The following SPAG16 variants were observed in gnomAD, a reference collection of about 807,000 sequenced individuals.
The protein encoded by SPAG16 is sperm associated antigen 16, also known as sperm-associated antigen 16 protein.
Under a neutral mutation model 80.4 loss-of-function variants are expected in SPAG16, and 86 were observed. The observed-to-expected ratio is 1.07, with a 90% confidence interval of 0.90 to 1.28. The LOEUF (loss-of-function observed/expected upper bound fraction) is 1.28. Among genes scored for constraint, SPAG16 ranks in the 50% most tolerant of loss-of-function variants. SPAG16 has a pLI of 0.00. For missense variants in SPAG16, 870 were observed against 765.3 expected, an observed-to-expected ratio of 1.14 and a Z score of -1.61; for synonymous variants, 294 against 265.9, an observed-to-expected ratio of 1.11 and a Z score of -1.03.
At chr2:213,950,702 CTTTTTTT>C (rs59353089) in intron 12 of SPAG16, among the ~76,000 whole-genome samples, 12 of 99,726 alleles carry the variant, frequency 1.2e-4, no homozygotes, top group East Asian at 5.8e-4. Flanking sequence ...TTTTTTCTTT[CTTTTTTT>C]TTTTTTTTTT....
chr2:213,471,154 C>G (rs2073056443), intron 9 of SPAG16, among the ~76,000 whole-genome samples: 1 of 152,164 alleles, frequency 6.6e-6, no homozygotes. Context: ...GTATATTGTG[C>G]AGAACCATCT....
At chr2:213,964,730 A>T (rs1435540662) in intron 12 of SPAG16, among the ~76,000 whole-genome samples, 1 of 152,176 alleles carries the variant, frequency 6.6e-6, no homozygotes, top group African/African-American at 2.4e-5. Context: ...CCACACCTAG[A>T]TCAATCAGAG....
chr2:214,123,886 C>T (rs1398105752), intron 14 of SPAG16, among the ~76,000 whole-genome samples: 2 of 152,036 alleles, frequency 1.3e-5, no homozygotes, highest in African/African-American at 4.8e-5. Context: ...ATAGATTAAA[C>T]AGGTGGAATA....
chr2:214,090,530 T>C (rs1029730725), intron 13 of SPAG16, among the ~76,000 whole-genome samples: 11 of 151,814 alleles, frequency 7.2e-5, no homozygotes, highest in Middle Eastern at 3.4e-3. Context: ...AAGCAGAAGA[T>C]AGAACCAATA....
intron 5 of SPAG16, among the ~76,000 whole-genome samples, chr2:213,332,464 G>A (rs1316871295): frequency 6.6e-6 from 1 of 152,112 alleles, no homozygotes; most frequent in Non-Finnish European, 1.5e-5. Context: ...AGCATTTAAA[G>A]AACTAACACC....
intron 15 of SPAG16, among the ~76,000 whole-genome samples, chr2:214,306,426 G>C (rs966144034): frequency 1.3e-5 from 2 of 152,196 alleles, no homozygotes; most frequent in African/African-American, 4.8e-5. Context: ...AATAGGCATA[G>C]TGAGAGAGGG....
chr2:213,466,887 C>G (rs1210455207), intron 9 of SPAG16, among the ~76,000 whole-genome samples: 1 of 152,166 alleles, frequency 6.6e-6, no homozygotes, highest in Non-Finnish European at 1.5e-5. Flanking sequence ...GCTGGGTGGT[C>G]TGGTTGGAGG....
chr2:213,878,772 T>C (rs1365739554), intron 11 of SPAG16, among the ~76,000 whole-genome samples: 2 of 152,174 alleles, frequency 1.3e-5, no homozygotes, highest in Non-Finnish European at 2.9e-5. Flanking sequence ...ATCATTTTAA[T>C]AGTTTCGAGT....
intron 9 of SPAG16, among the ~76,000 whole-genome samples, chr2:213,489,225 T>G (rs1019329179): frequency 1.3e-5 from 2 of 152,274 alleles, no homozygotes; most frequent in Non-Finnish European, 2.9e-5. Context: ...GATTCATAAC[T>G]TCTTTTTTTG....
chr2:213,511,814 T>C (rs1362735688), intron 10 of SPAG16, among the ~76,000 whole-genome samples: 1 of 152,098 alleles, frequency 6.6e-6, no homozygotes, highest in Non-Finnish European at 1.5e-5. Context: ...TGTAAAGTCA[T>C]ATTATAGAGC....
intron 10 of SPAG16, among the ~76,000 whole-genome samples, chr2:213,638,442 T>C (rs2062455258): frequency 6.6e-6 from 1 of 152,182 alleles, no homozygotes; most frequent in East Asian, 1.9e-4. Flanking sequence ...TCATGTTTGA[T>C]AGGTTGTATC....
At chr2:214,228,558 C>T (rs1202400547) in intron 15 of SPAG16, among the ~76,000 whole-genome samples, 1 of 151,774 alleles carries the variant, frequency 6.6e-6, no homozygotes, top group Non-Finnish European at 1.5e-5. Flanking sequence ...TATAAAATAA[C>T]AGTAGACTAT....
chr2:214,258,490 TACACACACACATATATGTAC>T (rs1690884937), intron 15 of SPAG16, among the ~76,000 whole-genome samples: 1 of 147,390 alleles, frequency 6.8e-6, no homozygotes. Context: ...TATATATATA[TACACACACACATATATGTAC>T]ATATATATCA....
intron 13 of SPAG16, among the ~76,000 whole-genome samples, chr2:214,021,531 A>G (rs2047866934): frequency 6.6e-6 from 1 of 152,098 alleles, no homozygotes; most frequent in Non-Finnish European, 1.5e-5. Context: ...TGCCCCCATA[A>G]TTCAATCACC....
intron 15 of SPAG16, among the ~76,000 whole-genome samples, chr2:214,247,129 C>G (rs1306222661): frequency 6.6e-6 from 1 of 152,068 alleles, no homozygotes; most frequent in East Asian, 1.9e-4. Flanking sequence ...ATAGTCTACT[C>G]TTTGTGGCTT....
At chr2:213,355,696 ATTGT>A (rs1332949245) in intron 7 of SPAG16, among the ~76,000 whole-genome samples, 1 of 152,158 alleles carries the variant, frequency 6.6e-6, no homozygotes, top group Non-Finnish European at 1.5e-5. Flanking sequence ...AATGCTTGTG[ATTGT>A]TGCACATTGA....
intron 9 of SPAG16, among the ~76,000 whole-genome samples, chr2:213,435,723 C>G (rs2070595490): frequency 6.6e-6 from 1 of 152,078 alleles, no homozygotes; most frequent in African/African-American, 2.4e-5. Flanking sequence ...TGATAAAAGA[C>G]ACATTGTTCA....
chr2:214,182,829 G>T (rs2057349545), intron 15 of SPAG16, among the ~76,000 whole-genome samples: 2 of 151,624 alleles, frequency 1.3e-5, no homozygotes, highest in Admixed American at 6.6e-5. Context: ...AGATCACATT[G>T]CTCAGATTTT....
At chr2:213,351,770 G>C (rs1049020703) in intron 7 of SPAG16, among the ~76,000 whole-genome samples, 3 of 151,996 alleles carry the variant, frequency 2.0e-5, no homozygotes, top group Admixed American at 6.6e-5. Context: ...TCTTAGCTTC[G>C]AAAATGCAAA....
Sources: allele counts gnomAD v4.1 joint callset (sites outside exome capture counted in the v4.1 genomes callset), GRCh38; gene constraint gnomAD v4.1.1; transcripts MANE v1.5; gene names NCBI Gene and HGNC (gene_info 2026-07-23, HGNC 2026-07-21).